Variants in GNA12 observed in about 807,000 individuals in gnomAD.
The protein encoded by GNA12 is G protein subunit alpha 12, also known as guanine nucleotide-binding protein subunit alpha-12.
Under a neutral mutation model 26.0 loss-of-function variants are expected in GNA12, and 9 were observed. The ratio of observed to expected loss-of-function variants is 0.35; its 90% CI spans 0.21 to 0.60. GNA12 has a LOEUF of 0.60. Among genes scored for constraint, GNA12 ranks in the 20% least tolerant of loss-of-function variants. The probability of loss-of-function intolerance (pLI) is 0.78; values close to 1 mark genes in which losing one functional copy is unlikely to be tolerated. For synonymous variants in GNA12, 264 were observed against 219.6 expected (o/e 1.20, Z -1.79); for missense variants, 405 against 525.8 (o/e 0.77, Z 2.25).
At chr7:2,762,859 G>A in intron 2 of GNA12, 9 of 1,468,640 alleles carry the variant, frequency 6.1e-6, no homozygotes, top group Non-Finnish European at 8.2e-6. Flanking sequence ...GCAGGAGAGG[G>A]CCAGCTCCGA....
At chr7:2,797,195 G>C (rs931862679) in intron 1 of GNA12, among the ~76,000 whole-genome samples, 1 of 152,206 alleles carries the variant, frequency 6.6e-6, no homozygotes, top group Non-Finnish European at 1.5e-5. Context: ...ACCCAGGCTG[G>C]AGTGCAGTGG....
rs1033677020 is a variant in GNA12, at chr7:2,735,792, G to A, written c.526-2291C>T. Among the ~76,000 whole-genome samples, 7 of 152,252 alleles carry A rather than the reference G, an allele frequency of 4.6e-5. No individual in the cohort carries two copies. The South Asian group carries it at 6.2e-4, about 14-fold the overall frequency. ...GTCAAATCTAGTTTCATGTCAGGGC[G>A]GCCTCATCTCGAGAAACAGCCCAGG... On this transcript the variant is annotated intron_variant, in intron 2 of 3. Coordinates refer to ENST00000275364, the MANE Select transcript of GNA12 (RefSeq NM_007353.3).
At chr7:2,735,321 CAG>C (rs1790113105) in intron 2 of GNA12, among the ~76,000 whole-genome samples, 1 of 152,194 alleles carries the variant, frequency 6.6e-6, no homozygotes, top group Non-Finnish European at 1.5e-5. Flanking sequence ...CGTTTCTAGG[CAG>C]GTGGTGGCAC....
At chr7:2,754,079 T>A (rs1791174230) in intron 2 of GNA12, among the ~76,000 whole-genome samples, 1 of 152,178 alleles carries the variant, frequency 6.6e-6, no homozygotes, top group African/African-American at 2.4e-5. Flanking sequence ...CCCTTTTACC[T>A]CCCCACCAGT....
In GNA12 at chr7:2,780,054, A is replaced by ATGTG. The variant is rs1562424132; in HGVS notation, c.525+14873_525+14874insCACA. 3.8e-3 allele frequency among the ~76,000 whole-genome samples: 112 copies of ATGTG among 29,680 alleles called. 5 individuals carry two copies. Among genetic ancestry groups the ATGTG allele is most frequent in the South Asian group, 8.4e-3 (9 of 1,068 alleles). 19.5% of individuals were successfully genotyped at this position (29,680 alleles called of 152,430 possible). A position where few individuals can be genotyped will look rare whatever the true frequency, so the allele number is the denominator to read the frequency against. On this transcript the variant is annotated intron_variant, in intron 2 of 3. Coordinates refer to ENST00000275364, the MANE Select transcript of GNA12 (RefSeq NM_007353.3). ...GTTTTTTACACATTTCTGTGTACAT[A>ATGTG]TATATATATATATATATATATATAT...
In GNA12 at chr7:2,747,910, T is replaced by C. The variant is rs1023135516; in HGVS notation, c.526-14409A>G. On this transcript the variant is annotated intron_variant, in intron 2 of 3. Coordinates refer to ENST00000275364, the MANE Select transcript of GNA12 (RefSeq NM_007353.3). ...ATCATGAGTGAACTCCCATTCACAATTGCTTCAAAGAGAATAAAATACCTA... is the reference window on the plus strand; with the variant it reads ...ATCATGAGTGAACTCCCATTCACAACTGCTTCAAAGAGAATAAAATACCTA... Among the ~76,000 whole-genome samples the C allele has an allele frequency of 1.2e-3, 175 of 152,052 alleles. No homozygotes were observed. In the East Asian group the frequency reaches 0.017, roughly 14 times the overall value.
intron 2 of GNA12, among the ~76,000 whole-genome samples, chr7:2,790,443 A>C (rs1792488536): frequency 6.6e-6 from 1 of 152,110 alleles, no homozygotes; most frequent in Middle Eastern, 3.2e-3. Flanking sequence ...CACATTTATA[A>C]CAATTATTTG....
chr7:2,739,993 T>C (rs1230669106), intron 2 of GNA12, among the ~76,000 whole-genome samples: 1 of 152,166 alleles, frequency 6.6e-6, no homozygotes, highest in Non-Finnish European at 1.5e-5. Context: ...AATTCTGTGC[T>C]TAATTTTCTG....
At chr7:2,796,944 G>C (rs1360616928) in intron 1 of GNA12, among the ~76,000 whole-genome samples, 2 of 152,112 alleles carry the variant, frequency 1.3e-5, no homozygotes, top group Non-Finnish European at 2.9e-5. Flanking sequence ...TCTTCTGAGG[G>C]GCACACTGCA....
intron 2 of GNA12, among the ~76,000 whole-genome samples, chr7:2,784,730 T>C (rs1562426563): frequency 6.6e-6 from 1 of 152,184 alleles, no homozygotes; most frequent in East Asian, 1.9e-4. Flanking sequence ...GCATCCCTTG[T>C]GTACTGATTC....
intron 2 of GNA12, among the ~76,000 whole-genome samples, chr7:2,745,573 T>C (rs1430453297): frequency 2.0e-5 from 3 of 152,080 alleles, no homozygotes; most frequent in African/African-American, 7.2e-5. Flanking sequence ...ACATACCAAA[T>C]TGTAAAGACC....
chr7:2,820,672 C>G (rs1793330200), intron 1 of GNA12, among the ~76,000 whole-genome samples: 1 of 152,244 alleles, frequency 6.6e-6, no homozygotes, highest in South Asian at 2.1e-4. Flanking sequence ...TCACCAGCTC[C>G]TGACTCACTG....
At chr7:2,818,744 C>T (rs1793273008) in intron 1 of GNA12, among the ~76,000 whole-genome samples, 1 of 138,972 alleles carries the variant, frequency 7.2e-6, no homozygotes, top group African/African-American at 2.7e-5. Context: ...GCGTGGGTGA[C>T]AGAGACCCTA....
chr7:2,787,731 G>T (rs1042165944), intron 2 of GNA12, among the ~76,000 whole-genome samples: 1 of 152,244 alleles, frequency 6.6e-6, no homozygotes, highest in South Asian at 2.1e-4. Context: ...GAGGCCGGGG[G>T]TAAGTGTCAT....
At chr7:2,745,778 T>G (rs572845543) in intron 2 of GNA12, among the ~76,000 whole-genome samples, 131 of 152,196 alleles carry the variant, frequency 8.6e-4, no homozygotes, top group African/African-American at 3.1e-3. Flanking sequence ...GAAACCCATC[T>G]CACGTGCAGA....
chr7:2,827,833 G>C (rs1043650079), intron 1 of GNA12, among the ~76,000 whole-genome samples: 2 of 152,172 alleles, frequency 1.3e-5, no homozygotes, highest in Non-Finnish European at 2.9e-5. Context: ...AATTTTTTTA[G>C]AAGACTCAAT....
chr7:2,827,051 T>C (rs780879521), intron 1 of GNA12, among the ~76,000 whole-genome samples: 4 of 152,228 alleles, frequency 2.6e-5, no homozygotes, highest in Non-Finnish European at 5.9e-5. Flanking sequence ...GGGAAATCTG[T>C]ATTTTCTGCT....
intron 1 of GNA12, among the ~76,000 whole-genome samples, chr7:2,831,910 T>TA (rs1451843077): frequency 6.6e-6 from 1 of 152,168 alleles, no homozygotes; most frequent in Non-Finnish European, 1.5e-5. Context: ...GGTGAGACTT[T>TA]AAGTAATGAC....
At chr7:2,825,983 G>C (rs1033847348) in intron 1 of GNA12, among the ~76,000 whole-genome samples, 1 of 152,084 alleles carries the variant, frequency 6.6e-6, no homozygotes, top group African/African-American at 2.4e-5. Flanking sequence ...ATCCAAAACA[G>C]ACAATGCCAC....
Sources: gnomAD v4.1 joint callset for allele counts (sites outside exome capture counted in the v4.1 genomes callset) on GRCh38, gnomAD v4.1.1 for gene constraint, MANE v1.5 for transcripts, NCBI Gene and HGNC (gene_info 2026-07-23, HGNC 2026-07-21) for gene names.